Variants in TRA2B observed in about 807,000 individuals in gnomAD.
The protein encoded by TRA2B is transformer-2 protein homolog beta.
In TRA2B, 14 loss-of-function variants were observed where a neutral mutation model predicts 41.7. That is an observed-to-expected ratio of 0.34 (90% CI 0.22 to 0.53). The LOEUF is 0.53. TRA2B is among the 20% of genes least tolerant of loss of function. The pLI is 0.95. For missense variants in TRA2B, 167 were observed against 396.8 expected (o/e 0.42, Z 4.92); for synonymous variants, 130 against 128.8 (o/e 1.01, Z -0.06).
At chr3:185,918,901 G>C (rs1252613705) in intron 7 of TRA2B, among the ~76,000 whole-genome samples, 1 of 152,044 alleles carries the variant, frequency 6.6e-6, no homozygotes, top group Non-Finnish European at 1.5e-5. Flanking sequence ...AGCTACTCGG[G>C]ATGCAGAGAC....
chr3:185,935,030 C>A, intron 1 of TRA2B: 1 of 985,410 alleles, frequency 1.0e-6, no homozygotes, highest in Non-Finnish European at 1.2e-6. Context: ...CATTACACTG[C>A]GTGCAAGACC....
At chr3:185,929,740 T>C (rs754609229) in intron 1 of TRA2B, among the ~76,000 whole-genome samples, 1 of 152,186 alleles carries the variant, frequency 6.6e-6, no homozygotes, top group Non-Finnish European at 1.5e-5. Context: ...TGAATGTGGT[T>C]TGTTAGATTT....
chr3:185,925,449 A>G lies in TRA2B; in HGVS notation c.333+15T>C. 1 of 1,609,276 alleles carries G rather than the reference A, an allele frequency of 6.2e-7. No homozygotes were observed. The highest frequency in any genetic ancestry group is 8.5e-7 in the Non-Finnish European group (1 of 1,178,224). The stretch of plus-strand genomic sequence containing the variant: ...TTAGGCAGTTGACTGCTTCAAAACC[A>G]GTTTTTCATCTTACCCGATTCCCAA... On this transcript the variant is annotated intron_variant, in intron 3 of 8. Transcript: ENST00000453386.
chr3:185,930,941 A>G (rs1003391190), intron 1 of TRA2B, among the ~76,000 whole-genome samples: 6 of 152,216 alleles, frequency 3.9e-5, no homozygotes, highest in African/African-American at 1.4e-4. Context: ...AATCCTAGTC[A>G]ATCAGCTGAA....
intron 1 of TRA2B, chr3:185,926,977 C>T: frequency 2.4e-6 from 1 of 413,202 alleles, no homozygotes; most frequent in Admixed American, 3.7e-5. Context: ...GACCCCACTT[C>T]CTTCAGAAAG....
At chr3:185,935,028 T>C in intron 1 of TRA2B, 1 of 985,446 alleles carries the variant, frequency 1.0e-6, no homozygotes, top group Non-Finnish European at 1.2e-6. Context: ...AACATTACAC[T>C]GCGTGCAAGA....
chr3:185,935,370 CCAA>C, intron 1 of TRA2B: 5 of 985,416 alleles, frequency 5.1e-6, no homozygotes, highest in Non-Finnish European at 6.0e-6. Flanking sequence ...ATCCCACAGA[CCAA>C]CGAGGGATGA....
At chr3:185,924,759 C>G (rs1288478260) in intron 3 of TRA2B, 1 of 152,402 alleles carries the variant, frequency 6.6e-6, no homozygotes, top group African/African-American at 2.4e-5. Context: ...CTGCAGTAAG[C>G]TGAGATTGCA....
Position 185,918,458 on chromosome 3 carries a change from T to C in TRA2B, c.783-20A>G, listed in dbSNP as rs369335055. 557 of 1,577,946 alleles carry C rather than the reference T, an allele frequency of 3.5e-4. No individual in the cohort carries two copies. The highest frequency in any genetic ancestry group is 4.7e-4 in the African/African-American group (35 of 74,324). Reference sequence around the variant, plus strand: ...CGCCTTCTATAAACAAATGTCAAGATTGTCTAAGTCTCAATAGATCACAAT... The same window carrying C: ...CGCCTTCTATAAACAAATGTCAAGACTGTCTAAGTCTCAATAGATCACAAT... On this transcript the variant is annotated intron_variant, in intron 7 of 8. Coordinates refer to ENST00000453386, the MANE Select transcript of TRA2B (RefSeq NM_004593.3).
rs552946656 is a variant in TRA2B at position 185,916,988 on chromosome 3, A to G, written c.*727T>C. 6.6e-6 allele frequency: 1 copy of G among 152,622 alleles called. No homozygotes were observed. The highest frequency in any genetic ancestry group is 1.5e-5 in the Non-Finnish European group (1 of 68,034). The allele number at this position is 152,622 out of a possible 1,614,324, so 9.5% of individuals were successfully genotyped here. A position where few individuals can be genotyped will look rare whatever the true frequency, so the allele number is the denominator to read the frequency against. ...TGGTGGAATGTATTGTCACTTGCTG[A>G]TAACTAGTTGAAATACCATTATCCC... On this transcript the variant is annotated 3_prime_UTR_variant, in exon 9 of 9. Transcript: ENST00000453386.
chr3:185,918,328 C>T (rs1314803583), intron 8 of TRA2B, 37 bp downstream of exon 8: 1 of 1,495,202 alleles, frequency 6.7e-7, no homozygotes, highest in Non-Finnish European at 9.3e-7. Flanking sequence ...GCAAGCCATA[C>T]TACAATATAA....
intron 1 of TRA2B, chr3:185,934,727 T>C (rs984628741): frequency 2.0e-6 from 2 of 985,244 alleles, no homozygotes; most frequent in Non-Finnish European, 2.4e-6. Context: ...CCAAGGAATA[T>C]AAAAAGACAT....
At position 185,918,352 on chromosome 3, in the gene TRA2B, G is replaced by A. The variant is rs1743583588; in HGVS notation, c.856+13C>T. 1 of 1,595,866 alleles carries A rather than the reference G, an allele frequency of 6.3e-7. No individual in the cohort carries two copies. ...ACTACAATATAAACAATCATATTAAGATAAAAACTTACGAGGTGAGTATGA... is the reference window on the plus strand; with the variant it reads ...ACTACAATATAAACAATCATATTAAAATAAAAACTTACGAGGTGAGTATGA... On this transcript the variant is annotated intron_variant, in intron 8 of 8. Transcript: ENST00000453386.
chr3:185,918,655 CTA>C (rs1365201742), intron 7 of TRA2B, among the ~76,000 whole-genome samples: 3 of 152,134 alleles, frequency 2.0e-5, no homozygotes, highest in African/African-American at 7.2e-5. Flanking sequence ...ATAATCCTTG[CTA>C]TATTTTAATC....
chr3:185,935,834 A>G (rs1744329824), intron 1 of TRA2B: 3 of 985,436 alleles, frequency 3.0e-6, no homozygotes, highest in Non-Finnish European at 3.6e-6. Flanking sequence ...ACACAACAAT[A>G]TGGAAGTATT....
chr3:185,922,206 G>A, intron 4 of TRA2B, 80 bp from the exon 5 acceptor site: 1 of 955,972 alleles, frequency 1.0e-6, no homozygotes, highest in Non-Finnish European at 1.6e-6. Flanking sequence ...AGATCCCACT[G>A]GACATTTCAG....
rs989270442 is a variant in TRA2B, at chr3:185,914,810, T to A, written c.*2905A>T. Among the ~76,000 whole-genome samples, 1 of 151,986 alleles carries A rather than the reference T, an allele frequency of 6.6e-6. No individual in the cohort carries two copies. The highest frequency in any genetic ancestry group is 2.4e-5 in the African/African-American group (1 of 41,394). On this transcript the variant is annotated 3_prime_UTR_variant, in exon 9 of 9. Coordinates refer to ENST00000453386, the MANE Select transcript of TRA2B (RefSeq NM_004593.3). ...ATCCATCCTCAAAATTTCCATATAA[T>A]TTACAGAAATTTTGATAATGCAAAC... is the stretch of plus-strand genomic sequence containing the variant.
At chr3:185,937,771 A>G in intron 1 of TRA2B, 54 bp downstream of exon 1, 1 of 1,612,724 alleles carries the variant, frequency 6.2e-7, no homozygotes, top group East Asian at 2.2e-5. Context: ...GGGCCTAGAA[A>G]AAGATGCAAG....
In TRA2B at chr3:185,915,758, T is replaced by A. The variant is rs1743478802; in HGVS notation, c.*1957A>T. 6.6e-6 allele frequency: 1 copy of A among 152,166 alleles called. No homozygotes were observed. The highest frequency in any genetic ancestry group is 2.1e-4 in the South Asian group (1 of 4,834). 9.4% of individuals were successfully genotyped at this position (152,166 alleles called of 1,614,324 possible). Reference sequence around the variant, plus strand: ...AAGGGCTAAAACTCAGGCTTTAGGATAGAAACCGAGGGTTATGTTCGAGAT... The same window carrying A: ...AAGGGCTAAAACTCAGGCTTTAGGAAAGAAACCGAGGGTTATGTTCGAGAT... On this transcript the variant is annotated 3_prime_UTR_variant, in exon 9 of 9. Transcript: ENST00000453386.
Sources: gnomAD v4.1 joint callset for allele counts (sites outside exome capture counted in the v4.1 genomes callset) on GRCh38, gnomAD v4.1.1 for gene constraint, MANE v1.5 for transcripts, NCBI Gene and HGNC (gene_info 2026-07-23, HGNC 2026-07-21) for gene names.